Variants in PICALM observed in about 807,000 individuals in gnomAD.
PICALM encodes phosphatidylinositol binding clathrin assembly protein.
Under a neutral mutation model 80.5 loss-of-function variants are expected in PICALM, and 40 were observed. The ratio of observed to expected loss-of-function variants is 0.50; its 90% CI spans 0.39 to 0.65. The LOEUF (loss-of-function observed/expected upper bound fraction) is 0.65, where lower values mean the gene tolerates loss of function less well. Ranked by LOEUF, PICALM falls within the 30% of genes least tolerant of loss-of-function variation. The probability of loss-of-function intolerance (pLI) is 0.00; values close to 1 mark genes in which losing one functional copy is unlikely to be tolerated. For missense variants in PICALM, 676 were observed against 778.9 expected, an observed-to-expected ratio of 0.87 and a Z score of 1.57; for synonymous variants, 288 against 260.3, an observed-to-expected ratio of 1.11 and a Z score of -1.02.
At chr11:85,999,082 T>C (rs1241481430) in intron 11 of PICALM, among the ~76,000 whole-genome samples, 1 of 152,252 alleles carries the variant, frequency 6.6e-6, no homozygotes, top group African/African-American at 2.4e-5. Context: ...TCATCATTTC[T>C]CTGTGTTGAG....
chr11:85,995,476 C>G (rs1432772843), intron 12 of PICALM, among the ~76,000 whole-genome samples: 2 of 152,136 alleles, frequency 1.3e-5, no homozygotes, highest in Non-Finnish European at 2.9e-5. Context: ...GTGACTTTAA[C>G]AAGTTCAAGT....
intron 1 of PICALM, among the ~76,000 whole-genome samples, chr11:86,059,939 GA>G (rs1182040436): frequency 1.3e-5 from 2 of 151,696 alleles, no homozygotes; most frequent in Non-Finnish European, 2.9e-5. Flanking sequence ...AGGCCTTTGG[GA>G]AAAAAATTTA....
At chr11:86,049,906 TAAAC>T (rs1466562698) in intron 1 of PICALM, among the ~76,000 whole-genome samples, 1 of 151,444 alleles carries the variant, frequency 6.6e-6, no homozygotes, top group Non-Finnish European at 1.5e-5. Context: ...AAGATTATTC[TAAAC>T]TACATCAGGC....
intron 1 of PICALM, among the ~76,000 whole-genome samples, chr11:86,050,370 T>G (rs1257640650): frequency 6.6e-6 from 1 of 152,116 alleles, no homozygotes; most frequent in Non-Finnish European, 1.5e-5. Context: ...TGGCTCTTAA[T>G]GGTTGTCACT....
chr11:86,054,716 T>C (rs2096243868), intron 1 of PICALM, among the ~76,000 whole-genome samples: 1 of 152,230 alleles, frequency 6.6e-6, no homozygotes, highest in South Asian at 2.1e-4. Context: ...AATCAATTAT[T>C]AGTTTGCACA....
chr11:85,964,674 C>T (rs1281927860), intron 19 of PICALM, among the ~76,000 whole-genome samples: 4 of 52,120 alleles, frequency 7.7e-5, no homozygotes, highest in Non-Finnish European at 1.6e-4. Context: ...TGCTCCTCTG[C>T]CGTGCTCTGT....
At chr11:86,008,274 T>C (rs1230049122) in intron 7 of PICALM, among the ~76,000 whole-genome samples, 1 of 152,174 alleles carries the variant, frequency 6.6e-6, no homozygotes, top group Non-Finnish European at 1.5e-5. Context: ...TTCTAATCAG[T>C]CTCCCTTCCT....
At chr11:86,038,024 A>T (rs79234223) in intron 1 of PICALM, among the ~76,000 whole-genome samples, 3,099 of 152,310 alleles carry the variant, frequency 0.02, 113 homozygotes, top group African/African-American at 0.071. Flanking sequence ...GTGGTACAAG[A>T]ATAAGAGTGG....
chr11:85,978,126 C>T, intron 17 of PICALM: 2 of 1,584,240 alleles, frequency 1.3e-6, no homozygotes, highest in Non-Finnish European at 1.7e-6. Context: ...TTACATAATG[C>T]AATAACACTG....
rs1239974975 is a variant in PICALM at position 86,058,688 on chromosome 11, CA to C, written c.130+9962del. Among the ~76,000 whole-genome samples the C allele has an allele frequency of 5.3e-5, 8 of 152,294 alleles. No homozygotes were observed. The East Asian group carries it at 1.5e-3, about 29-fold the overall frequency. On this transcript the variant is annotated intron_variant, in intron 1 of 19. Transcript: ENST00000393346. ...TATCTCATACAGCTTCCTTCTAAAA[CA>C]GACACTTCTTTTCTTTTACATTTTG...
At chr11:85,962,004 T>C (rs1289374692) in intron 19 of PICALM, among the ~76,000 whole-genome samples, 1 of 152,168 alleles carries the variant, frequency 6.6e-6, no homozygotes, top group Non-Finnish European at 1.5e-5. Context: ...GTTATACTCA[T>C]GGTTGAGTAA....
intron 1 of PICALM, among the ~76,000 whole-genome samples, chr11:86,043,958 C>T (rs1393828596): frequency 6.6e-6 from 1 of 152,156 alleles, no homozygotes; most frequent in African/African-American, 2.4e-5. Flanking sequence ...CACAGAACAA[C>T]GAGAATCTTT....
chr11:85,966,284 G>A (rs2093895146), intron 19 of PICALM, among the ~76,000 whole-genome samples: 1 of 152,024 alleles, frequency 6.6e-6, no homozygotes, highest in Non-Finnish European at 1.5e-5. Flanking sequence ...ATTGCTAACT[G>A]TAGCCTCCAA....
intron 1 of PICALM, among the ~76,000 whole-genome samples, chr11:86,065,888 C>CTGA (rs896124501): frequency 4.6e-5 from 7 of 152,118 alleles, no homozygotes; most frequent in Admixed American, 4.6e-4. Flanking sequence ...TGGCGAGAAA[C>CTGA]TGACAGAAAC....
intron 12 of PICALM, among the ~76,000 whole-genome samples, chr11:85,994,556 A>C (rs897613581): frequency 6.6e-6 from 1 of 152,228 alleles, no homozygotes; most frequent in African/African-American, 2.4e-5. Context: ...AAAGAACAGT[A>C]CAAGATTTGG....
At chr11:86,021,384 T>C (rs2095559696) in intron 4 of PICALM, among the ~76,000 whole-genome samples, 2 of 150,952 alleles carry the variant, frequency 1.3e-5, no homozygotes, top group African/African-American at 4.9e-5. Context: ...CAAAAGACGA[T>C]ATGCAAATGG....
intron 1 of PICALM, among the ~76,000 whole-genome samples, chr11:86,043,431 A>C (rs1434696648): frequency 6.6e-6 from 1 of 152,114 alleles, no homozygotes; most frequent in Admixed American, 6.5e-5. Flanking sequence ...AAATCAATCT[A>C]AGGTCTTCTG....
intron 19 of PICALM, among the ~76,000 whole-genome samples, chr11:85,967,089 G>A (rs1164246741): frequency 6.6e-6 from 1 of 151,588 alleles, no homozygotes; most frequent in Non-Finnish European, 1.5e-5. Context: ...TGGTTCCAAG[G>A]CTGGTGTTTT....
intron 1 of PICALM, among the ~76,000 whole-genome samples, chr11:86,044,527 A>G (rs749512826): frequency 6.6e-5 from 10 of 152,094 alleles, no homozygotes; most frequent in Non-Finnish European, 1.2e-4. Flanking sequence ...ATGCTTCACA[A>G]TTAAAACAAT....
Sources: gnomAD v4.1 joint callset for allele counts (sites outside exome capture counted in the v4.1 genomes callset) on GRCh38, gnomAD v4.1.1 for gene constraint, MANE v1.5 for transcripts, NCBI Gene and HGNC (gene_info 2026-07-23, HGNC 2026-07-21) for gene names.